The following RFX3 variants were observed in gnomAD, a reference collection of about 807,000 sequenced individuals.
RFX3 encodes regulatory factor X3, also known as transcription factor RFX3.
In RFX3, 14 loss-of-function variants were observed where a neutral mutation model predicts 98.6. The observed-to-expected ratio is 0.14, with a 90% CI of 0.09 to 0.22. The LOEUF (loss-of-function observed/expected upper bound fraction) is 0.22, where lower values mean the gene tolerates loss of function less well. RFX3 is among the 10% of genes least tolerant of loss of function. RFX3 has a pLI of 1.00. For missense variants in RFX3, 639 were observed against 926.9 expected, an observed-to-expected ratio of 0.69 and a Z score of 4.03; for synonymous variants, 383 against 328.4, an observed-to-expected ratio of 1.17 and a Z score of -1.80.
chr9:3,315,687 G>A (rs1830501386), intron 4 of RFX3, among the ~76,000 whole-genome samples: 1 of 152,090 alleles, frequency 6.6e-6, no homozygotes, highest in African/African-American at 2.4e-5. Context: ...AAATGATAAA[G>A]GGGATATCAC....
At chr9:3,354,834 T>A (rs866150038) in intron 2 of RFX3, among the ~76,000 whole-genome samples, 1 of 151,910 alleles carries the variant, frequency 6.6e-6, no homozygotes. Context: ...TCTTTTACTT[T>A]TCTGTAAAAA....
chr9:3,505,241 T>TATATATATAAATATATATTC (rs1564186860), intron 1 of RFX3, among the ~76,000 whole-genome samples: 3 of 97,522 alleles, frequency 3.1e-5, no homozygotes, highest in African/African-American at 1.3e-4. Context: ...AATATATATT[T>TATATATATAAATATATATTC]ATATATATAT....
At chr9:3,428,981 C>T (rs1365945988) in intron 1 of RFX3, among the ~76,000 whole-genome samples, 1 of 151,724 alleles carries the variant, frequency 6.6e-6, no homozygotes, top group Non-Finnish European at 1.5e-5. Flanking sequence ...GCCCCAAAAA[C>T]GTTTTAATTT....
chr9:3,514,175 A>G (rs1031882639), intron 1 of RFX3, among the ~76,000 whole-genome samples: 4 of 152,208 alleles, frequency 2.6e-5, no homozygotes, highest in African/African-American at 9.6e-5. Flanking sequence ...ACTTCATCAG[A>G]CAGTTCCCCT....
At chr9:3,232,771 T>TGAGAGAGAGAGAGA (rs36070658) in intron 15 of RFX3, among the ~76,000 whole-genome samples, 81 of 132,402 alleles carry the variant, frequency 6.1e-4, no homozygotes, top group African/African-American at 1.9e-3. Flanking sequence ...GTTTAGAATC[T>TGAGAGAGAGAGAGA]GAGAGAGAGA....
chr9:3,520,384 G>A lies in RFX3; in HGVS notation c.-9+5363C>T, dbSNP rs1227810658. Among the ~76,000 whole-genome samples the A allele has an allele frequency of 3.9e-5, 6 of 152,212 alleles. No homozygotes were observed. The East Asian group carries it at 1.2e-3, about 29-fold the overall frequency. The stretch of plus-strand genomic sequence containing the variant: ...ATTAAAAAGTTTATATGCTGTAACT[G>A]TATCTTTCTAAGCTTACTTAAGGAA... On this transcript the variant is annotated intron_variant, in intron 1 of 16. Coordinates refer to ENST00000617270, the MANE Select transcript of RFX3 (RefSeq NM_001282116.2).
intron 15 of RFX3, among the ~76,000 whole-genome samples, chr9:3,236,815 C>A (rs895849235): frequency 3.9e-5 from 6 of 152,168 alleles, no homozygotes; most frequent in African/African-American, 1.2e-4. Context: ...ACCTTGGAGA[C>A]CAGTTCTGCC....
chr9:3,398,924 A>AT (rs1332457970), intron 1 of RFX3, among the ~76,000 whole-genome samples: 9 of 149,246 alleles, frequency 6.0e-5, no homozygotes, highest in African/African-American at 2.0e-4. Context: ...TAAAAAAAAA[A>AT]AAAAAAAAAA....
At chr9:3,295,335 G>C (rs1827861834) in intron 5 of RFX3, among the ~76,000 whole-genome samples, 1 of 151,982 alleles carries the variant, frequency 6.6e-6, no homozygotes, top group Admixed American at 6.6e-5. Flanking sequence ...TTGAGATTGG[G>C]AAGCACTTGA....
At chr9:3,375,156 G>A (rs149603119) in intron 2 of RFX3, among the ~76,000 whole-genome samples, 1 of 152,254 alleles carries the variant, frequency 6.6e-6, no homozygotes, top group African/African-American at 2.4e-5. Context: ...AAATCTTATG[G>A]TCAAATACAA....
chr9:3,449,293 C>G (rs1378577036), intron 1 of RFX3, among the ~76,000 whole-genome samples: 1 of 152,236 alleles, frequency 6.6e-6, no homozygotes, highest in African/African-American at 2.4e-5. Context: ...TTCCCCATCT[C>G]TACACTAAGC....
At chr9:3,338,322 C>A (rs1449518032) in intron 3 of RFX3, among the ~76,000 whole-genome samples, 1 of 152,192 alleles carries the variant, frequency 6.6e-6, no homozygotes, top group African/African-American at 2.4e-5. Context: ...TCAGCCATTG[C>A]TACAGCTACT....
chr9:3,410,244 ATTCT>A (rs1842351908), intron 1 of RFX3, among the ~76,000 whole-genome samples: 4 of 146,868 alleles, frequency 2.7e-5, no homozygotes, highest in South Asian at 2.2e-4. Flanking sequence ...AGCACTTTAT[ATTCT>A]ATAGGAATTC....
chr9:3,471,870 G>T (rs564600277), intron 1 of RFX3, among the ~76,000 whole-genome samples: 1 of 152,262 alleles, frequency 6.6e-6, no homozygotes, highest in South Asian at 2.1e-4. Context: ...AATGCACTGC[G>T]ATTACTGAAT....
intron 1 of RFX3, among the ~76,000 whole-genome samples, chr9:3,464,916 A>G (rs1042888749): frequency 1.3e-5 from 2 of 152,194 alleles, no homozygotes; most frequent in African/African-American, 4.8e-5. Flanking sequence ...ATACTTAAAA[A>G]AAAAAAATTC....
Position 3,291,131 on chromosome 9 carries a change from G to T in RFX3, c.731+1946C>A, listed in dbSNP as rs558974363. ...TATAACACCAGCACTCTGGGAGGCTGAGGCGGGCAGATCACCTAAGGTCAG... is the reference window on the plus strand; with the variant it reads ...TATAACACCAGCACTCTGGGAGGCTTAGGCGGGCAGATCACCTAAGGTCAG... On this transcript the variant is annotated intron_variant, in intron 6 of 16. Coordinates refer to ENST00000617270, the MANE Select transcript of RFX3 (RefSeq NM_001282116.2). Among the ~76,000 whole-genome samples, 7 of 152,306 alleles carry T rather than the reference G, an allele frequency of 4.6e-5. No homozygotes were observed. In the East Asian group the frequency reaches 1.4e-3, roughly 29 times the overall value.
intron 3 of RFX3, among the ~76,000 whole-genome samples, chr9:3,341,375 G>T (rs35397020): frequency 0.036 from 5,470 of 151,264 alleles, 141 homozygotes; most frequent in Non-Finnish European, 0.055. Context: ...TGCACATTGT[G>T]CACATGTACC....
chr9:3,284,703 C>A (rs915817036), intron 7 of RFX3, among the ~76,000 whole-genome samples: 6 of 151,794 alleles, frequency 4.0e-5, no homozygotes, highest in East Asian at 1.9e-4. Context: ...AAACAGAAGA[C>A]CCTGTCTACT....
intron 14 of RFX3, among the ~76,000 whole-genome samples, chr9:3,253,063 G>T (rs1821635989): frequency 6.6e-6 from 1 of 152,168 alleles, no homozygotes; most frequent in Non-Finnish European, 1.5e-5. Flanking sequence ...CTGAATTGTT[G>T]CTAAGTTACC....
Sources: gnomAD v4.1 joint callset for allele counts (sites outside exome capture counted in the v4.1 genomes callset) on GRCh38, gnomAD v4.1.1 for gene constraint, MANE v1.5 for transcripts, NCBI Gene and HGNC (gene_info 2026-07-23, HGNC 2026-07-21) for gene names.